Variants in PTCD1 observed in about 807,000 individuals in gnomAD.
The protein encoded by PTCD1 is pentatricopeptide repeat domain 1.
A neutral mutation model predicts 53.4 loss-of-function variants in PTCD1; 50 were observed. The observed-to-expected ratio is 0.94, with a 90% CI of 0.75 to 1.19. The LOEUF (loss-of-function observed/expected upper bound fraction) is 1.19. PTCD1 is among the 50% of genes most tolerant of loss of function. The probability of loss-of-function intolerance (pLI) is 0.00; values close to 1 mark genes in which losing one functional copy is unlikely to be tolerated. For missense variants in PTCD1, 918 were observed against 904.8 expected (o/e 1.01, Z -0.19); for synonymous variants, 413 against 394.8 (o/e 1.05, Z -0.55).
At chr7:99,431,445 A>T (rs1383839945) in intron 3 of PTCD1, among the ~76,000 whole-genome samples, 1 of 152,102 alleles carries the variant, frequency 6.6e-6, no homozygotes, top group Non-Finnish European at 1.5e-5. Context: ...ATAGTTTTTT[A>T]AAATAGATGT....
chr7:99,424,754 T>C (rs768414912), intron 6 of PTCD1, 41 bp downstream of exon 6: 9 of 1,611,166 alleles, frequency 5.6e-6, no homozygotes, highest in Non-Finnish European at 7.6e-6. Context: ...AGAGTGCTCC[T>C]GAGCACCATG....
Position 99,419,131 on chromosome 7 carries a change from C to CTTGA in PTCD1, c.*832_*835dup. The CTTGA allele has an allele frequency of 1.9e-6, 1 of 540,350 alleles. No individual in the cohort carries two copies. Among genetic ancestry groups the CTTGA allele is most frequent in the South Asian group, 2.1e-5 (1 of 46,694 alleles). 33.5% of individuals were successfully genotyped at this position (540,350 alleles called of 1,614,324 possible). On this transcript the variant is annotated 3_prime_UTR_variant, in exon 8 of 8. Coordinates refer to ENST00000292478, the MANE Select transcript of PTCD1 (RefSeq NM_015545.4). Reference sequence around the variant, plus strand: ...GACTCATTCACACCGATTTCTTTTTCTTGATTGGCAAACGTGTGTTGGATT... The same window carrying CTTGA: ...GACTCATTCACACCGATTTCTTTTTCTTGATTGATTGGCAAACGTGTGTTGGATT...
Position 99,419,754 on chromosome 7 carries a change from G to C in PTCD1, c.*213C>G, listed in dbSNP as rs1795715378. 1 of 769,532 alleles carries C rather than the reference G, an allele frequency of 1.3e-6. No homozygotes were observed. Among genetic ancestry groups the C allele is most frequent in the Admixed American group, 2.8e-5 (1 of 35,848 alleles). 47.7% of individuals were successfully genotyped at this position (769,532 alleles called of 1,614,324 possible). A position where few individuals can be genotyped will look rare whatever the true frequency, so the allele number is the denominator to read the frequency against. On this transcript the variant is annotated 3_prime_UTR_variant, in exon 8 of 8. Coordinates refer to ENST00000292478, the MANE Select transcript of PTCD1 (RefSeq NM_015545.4). ...TAGCTGGAGCTGGAAGTCCCGTGAA[G>C]GTGACACGCAAAGGTGGCTGGAGCT...
rs1224020067 is a variant in PTCD1 at position 99,435,278 on chromosome 7, A to G, written c.-26-10T>C. 1 of 1,599,874 alleles carries G rather than the reference A, an allele frequency of 6.3e-7. No individual in the cohort carries two copies. Among genetic ancestry groups the G allele is most frequent in the Admixed American group, 1.7e-5 (1 of 60,002 alleles). On this transcript the variant is annotated splice_polypyrimidine_tract_variant and intron_variant, in intron 1 of 7. Transcript: ENST00000292478. Reference sequence around the variant, plus strand: ...CCTGTCCCTCCAGGGCCTGGAATATATCAGGAAAAATAAGAGAGTCAACTC... The same window carrying G: ...CCTGTCCCTCCAGGGCCTGGAATATGTCAGGAAAAATAAGAGAGTCAACTC...
Position 99,419,554 on chromosome 7 carries a change from A to G in PTCD1, c.*413T>C. The G allele has an allele frequency of 1.6e-6, 2 of 1,238,170 alleles. No homozygotes were observed. Among genetic ancestry groups the G allele is most frequent in the Non-Finnish European group, 2.3e-6 (2 of 858,896 alleles). The allele number at this position is 1,238,170 out of a possible 1,614,324, so 76.7% of individuals were successfully genotyped here. A position where few individuals can be genotyped will look rare whatever the true frequency, so the allele number is the denominator to read the frequency against. On this transcript the variant is annotated 3_prime_UTR_variant, in exon 8 of 8. Coordinates refer to ENST00000292478, the MANE Select transcript of PTCD1 (RefSeq NM_015545.4). ...AGGCCCGAGTTGGAGCACGGTCTCTATGGGGAAGGCTTCGCTGTCTATCAG... is the reference window on the plus strand; with the variant it reads ...AGGCCCGAGTTGGAGCACGGTCTCTGTGGGGAAGGCTTCGCTGTCTATCAG...
In PTCD1 at chr7:99,438,452, G is replaced by A. The variant is rs555365547; in HGVS notation, c.-27+240C>T. On this transcript the variant is annotated intron_variant, in intron 1 of 7. Transcript: ENST00000292478. ...TGTACTCCAGCCTGGGCCACAGAGC[G>A]AGAAAAAACCCTGAATTAGAGACAC... is the stretch of plus-strand genomic sequence containing the variant. The A allele has an allele frequency of 2.1e-4, 207 of 1,002,822 alleles. 1 individual carries two copies. In the South Asian group the frequency reaches 3.7e-3, roughly 18 times the overall value. 62.1% of individuals were successfully genotyped at this position (1,002,822 alleles called of 1,614,324 possible).
At position 99,425,145 on chromosome 7, in the gene PTCD1, C is replaced by A. The variant is rs771263062; in HGVS notation, c.1387G>T (p.Asp463Tyr). 4.3e-6 allele frequency: 7 copies of A among 1,613,908 alleles called. No homozygotes were observed. The African/African-American group carries it at 9.3e-5, about 22-fold the overall frequency. The change falls in exon 6 of 8, where the codon GAC becomes TAC. Residue 463 changes from aspartate (D) to tyrosine (Y), a missense_variant. Physicochemically the swap from Asp to Tyr is radical, Grantham distance 160 (BLOSUM62 -3). Transcript: ENST00000292478. ...VSFGTVTTPA[D>Y]RLALIGGLEG... ...AGGCCCCCTATCAAGGCCAGCCGGT[C>A]AGCTGGGGTGGTCACCGTTCCAAAG...
At position 99,432,795 on chromosome 7, in the gene PTCD1, G is replaced by GTGACC. The variant is rs754458227; in HGVS notation, c.594+478_594+482dup. On this transcript the variant is annotated intron_variant, in intron 3 of 7. Transcript: ENST00000292478. ...GAGGAGCAGATGCGGTGGCTGGGCT[G>GTGACC]TGACCTGTAATCCCAGCACTTTGGG... 21 of 212,690 alleles carry GTGACC rather than the reference G, an allele frequency of 9.9e-5. No homozygotes were observed. In the South Asian group the frequency reaches 1.1e-3, roughly 11 times the overall value. 13.2% of individuals were successfully genotyped at this position (212,690 alleles called of 1,614,324 possible).
Position 99,429,784 on chromosome 7 carries a change from G to A in PTCD1, c.617C>T (p.Pro206Leu). ...YNQMKKRDLEPSDATYTALFN... is the reference protein window; with the variant it reads ...YNQMKKRDLELSDATYTALFN... ...CAGGGCCGTGTAGGTGGCGTCCGAG[G>A]GCTCCAGGTCCCGCTTTTTCATCTG... The change falls in exon 4 of 8, where the codon CCC (proline) becomes CTC (leucine). Residue 206 changes from proline to leucine, a missense_variant. Transcript: ENST00000292478. The A allele has an allele frequency of 1.9e-6, 3 of 1,614,140 alleles. No homozygotes were observed. The highest frequency in any genetic ancestry group is 2.5e-6 in the Non-Finnish European group (3 of 1,180,040).
At position 99,435,502 on chromosome 7, in the gene PTCD1, G is replaced by C. The variant is rs528623600; in HGVS notation, c.-26-234C>G. Among the ~76,000 whole-genome samples the C allele has an allele frequency of 6.3e-4, 96 of 152,218 alleles. 3 individuals are homozygous for C. The highest frequency in any genetic ancestry group is 5.3e-3 in the Admixed American group (81 of 15,288). On this transcript the variant is annotated intron_variant, in intron 1 of 7. Transcript: ENST00000292478. The stretch of plus-strand genomic sequence containing the variant: ...AAAAATACAAAAATTAGCCAGGCTT[G>C]GTGCTGTGCGCCTGTAATCCCAGCT...
chr7:99,437,765 A>C (rs1262192409), intron 1 of PTCD1, among the ~76,000 whole-genome samples: 1 of 152,028 alleles, frequency 6.6e-6, no homozygotes, highest in Non-Finnish European at 1.5e-5. Context: ...CCCGGGTTTA[A>C]GCCATGCTCA....
At chr7:99,434,051 C>CAA (rs552163766) in intron 2 of PTCD1, among the ~76,000 whole-genome samples, 10 of 48,588 alleles carry the variant, frequency 2.1e-4, no homozygotes, top group Non-Finnish European at 3.1e-4. Context: ...GACTCCATCT[C>CAA]AAAAAAAAAA....
chr7:99,437,233 A>T (rs1196286881), intron 1 of PTCD1, among the ~76,000 whole-genome samples: 1 of 152,344 alleles, frequency 6.6e-6, no homozygotes, highest in East Asian at 1.9e-4. Context: ...TGGCATCAAA[A>T]TGCTTTAAAA....
Position 99,419,900 on chromosome 7 carries a change from A to C in PTCD1, c.*67T>G. 6.2e-7 allele frequency: 1 copy of C among 1,609,750 alleles called. No individual in the cohort carries two copies. Reference sequence around the variant, plus strand: ...CTTCCCCCAGGCAGGAGGTGACACCAGCTCACTTGTCCTGGGGCTCCCACA... The same window carrying C: ...CTTCCCCCAGGCAGGAGGTGACACCCGCTCACTTGTCCTGGGGCTCCCACA... On this transcript the variant is annotated 3_prime_UTR_variant, in exon 8 of 8. Coordinates refer to ENST00000292478, the MANE Select transcript of PTCD1 (RefSeq NM_015545.4).
chr7:99,429,253 G>A (rs369404373), intron 4 of PTCD1, 49 bp from the exon 5 acceptor site: 6 of 1,603,254 alleles, frequency 3.7e-6, no homozygotes, highest in Non-Finnish European at 5.1e-6. Context: ...AGCAGGCTGG[G>A]CATGGTAGCT....
In PTCD1 at chr7:99,425,310, C is replaced by T. The variant is rs148315697; in HGVS notation, c.1222G>A (p.Gly408Ser). The T allele has an allele frequency of 3.3e-5, 53 of 1,614,128 alleles. No homozygotes were observed. The East Asian group carries it at 3.3e-4, about 10-fold the overall frequency. Residue 408 changes from glycine (G) to serine (S), a missense_variant, in exon 6 of 8, where the codon GGC (glycine) becomes AGC (serine). Gly to Ser is a moderately conservative substitution (Grantham distance 56). Transcript: ENST00000292478. ...GTATCCACCTCTGGTTGGGCCTTGC[C>T]GGGCACTCTGGCTTCCGGAGGCTCT... The part of the protein sequence containing the change: ...PPEPPEARVP[G>S]KAQPEVDTKA...
intron 7 of PTCD1, among the ~76,000 whole-genome samples, chr7:99,423,073 A>G (rs913134432): frequency 1.4e-5 from 2 of 141,532 alleles, no homozygotes; most frequent in African/African-American, 2.6e-5. Context: ...TCAGCTCTTA[A>G]CCTCTTTTTT....
At chr7:99,427,510 G>A (rs1274964384) in intron 5 of PTCD1, among the ~76,000 whole-genome samples, 12 of 150,548 alleles carry the variant, frequency 8.0e-5, no homozygotes, top group Non-Finnish European at 1.2e-4. Flanking sequence ...CCAGCCAGCC[G>A]CCCCGTCCGG....
intron 7 of PTCD1, 23 bp from the exon 8 acceptor site, chr7:99,420,172 A>T (rs201329726): frequency 4.0e-5 from 65 of 1,613,816 alleles, no homozygotes; most frequent in Non-Finnish European, 6.8e-6. Context: ...AAGTGAGGCT[A>T]GAATCACTCC....
Sources: gnomAD v4.1 joint callset for allele counts (sites outside exome capture counted in the v4.1 genomes callset) on GRCh38, gnomAD v4.1.1 for gene constraint, MANE v1.5 for transcripts, NCBI Gene and HGNC (gene_info 2026-07-23, HGNC 2026-07-21) for gene names.